Variants in PCDH15 observed in about 807,000 individuals in gnomAD.
The protein encoded by PCDH15 is protocadherin related 15.
In PCDH15, 129 loss-of-function variants were observed where a neutral mutation model predicts 178.5. The observed-to-expected ratio is 0.72, with a 90% CI of 0.63 to 0.84. The LOEUF is 0.84. PCDH15 is among the 40% of genes least tolerant of loss of function. The pLI, the probability that PCDH15 is intolerant of heterozygous loss-of-function variation, is 0.00. For missense variants in PCDH15, 2,230 were observed against 2,099.9 expected, an observed-to-expected ratio of 1.06 and a Z score of -1.21; for synonymous variants, 800 against 732.0, an observed-to-expected ratio of 1.09 and a Z score of -1.50.
At chr10:54,993,517 T>A (rs1839561727) in intron 2 of PCDH15, among the ~76,000 whole-genome samples, 1 of 152,158 alleles carries the variant, frequency 6.6e-6, no homozygotes. Context: ...TTTGTTTGGA[T>A]GACTTAGACT....
At chr10:55,228,089 A>C (rs998314043) in intron 1 of PCDH15, among the ~76,000 whole-genome samples, 1 of 152,196 alleles carries the variant, frequency 6.6e-6, no homozygotes, top group South Asian at 2.1e-4. Flanking sequence ...CACTGTATTT[A>C]TTTCAATTTT....
chr10:54,453,496 G>T (rs943082915), intron 3 of PCDH15, among the ~76,000 whole-genome samples: 2 of 151,860 alleles, frequency 1.3e-5, no homozygotes, highest in African/African-American at 2.4e-5. Flanking sequence ...ACACACCAGG[G>T]CCTGTTGTGG....
intron 8 of PCDH15, among the ~76,000 whole-genome samples, chr10:54,278,590 C>A (rs2058483323): frequency 6.6e-6 from 1 of 151,338 alleles, no homozygotes; most frequent in Non-Finnish European, 1.5e-5. Flanking sequence ...AAAATAGAAC[C>A]CAGTGACCCA....
intron 2 of PCDH15, among the ~76,000 whole-genome samples, chr10:55,381,586 G>C (rs969407829): frequency 4.6e-5 from 7 of 152,090 alleles, no homozygotes; most frequent in Non-Finnish European, 1.0e-4. Context: ...TCACCATCCT[G>C]TCTAAGCCCA....
chr10:55,267,770 G>A (rs981149005), intron 1 of PCDH15, among the ~76,000 whole-genome samples: 1 of 152,178 alleles, frequency 6.6e-6, no homozygotes, highest in Admixed American at 6.5e-5. Context: ...TAGGATTGCA[G>A]TATCTAAAAC....
intron 1 of PCDH15, among the ~76,000 whole-genome samples, chr10:55,202,757 G>A (rs868384004): frequency 2.0e-5 from 3 of 152,106 alleles, no homozygotes; most frequent in African/African-American, 4.8e-5. Flanking sequence ...CCCCCATGCC[G>A]TTTACATGAT....
intron 9 of PCDH15, among the ~76,000 whole-genome samples, chr10:54,231,708 C>G (rs113291991): frequency 6.6e-6 from 1 of 152,210 alleles, no homozygotes; most frequent in African/African-American, 2.4e-5. Flanking sequence ...GCCTTGGGAG[C>G]CCACCCCCTG....
chr10:55,437,374 A>G (rs751308291), intron 2 of PCDH15, among the ~76,000 whole-genome samples: 10 of 152,204 alleles, frequency 6.6e-5, no homozygotes, highest in Non-Finnish European at 1.3e-4. Context: ...CACCTAAGTG[A>G]AACATTTTAA....
chr10:53,832,057 A>AG lies in PCDH15; in HGVS notation c.3984-525_3984-524insC, dbSNP rs1386278996. ...CTCAAACTCTGTATTTGTTTGCCAT[A>AG]ACACCATCTTAAAAGTAAACATTCT... On this transcript the variant is annotated intron_variant, in intron 29 of 37. Transcript: ENST00000644397. Among the ~76,000 whole-genome samples the AG allele has an allele frequency of 1.1e-4, 16 of 151,310 alleles. 1 individual carries two copies. Among genetic ancestry groups the AG allele is most frequent in the African/African-American group, 3.9e-4 (16 of 40,632 alleles).
chr10:55,602,870 G>T (rs562124614), intron 2 of PCDH15, among the ~76,000 whole-genome samples: 2 of 152,134 alleles, frequency 1.3e-5, no homozygotes, highest in African/African-American at 4.8e-5. Flanking sequence ...CACCAGCAAC[G>T]GAACAAAGCT....
intron 2 of PCDH15, among the ~76,000 whole-genome samples, chr10:55,476,541 T>A (rs554932125): frequency 1.3e-5 from 2 of 152,012 alleles, no homozygotes; most frequent in Admixed American, 1.3e-4. Flanking sequence ...TTGCCATGCA[T>A]ATAAAATATA....
intron 2 of PCDH15, among the ~76,000 whole-genome samples, chr10:55,544,149 T>C (rs1327395680): frequency 8.3e-6 from 1 of 119,930 alleles, no homozygotes; most frequent in African/African-American, 3.2e-5. Flanking sequence ...CATATATATA[T>C]ATATATATAT....
intron 24 of PCDH15, among the ~76,000 whole-genome samples, chr10:53,940,038 T>C (rs1303437722): frequency 6.6e-6 from 1 of 152,170 alleles, no homozygotes; most frequent in Non-Finnish European, 1.5e-5. Flanking sequence ...CAATACCTAG[T>C]AATAGTTTGT....
At chr10:54,206,663 C>G (rs945197202) in intron 10 of PCDH15, among the ~76,000 whole-genome samples, 1 of 151,920 alleles carries the variant, frequency 6.6e-6, no homozygotes, top group African/African-American at 2.4e-5. Flanking sequence ...ATATCTAAAT[C>G]GTTTATTTTT....
chr10:54,431,789 C>T (rs1173288732), intron 3 of PCDH15, among the ~76,000 whole-genome samples: 1 of 151,934 alleles, frequency 6.6e-6, no homozygotes, highest in Non-Finnish European at 1.5e-5. Flanking sequence ...CAAAGAGCAC[C>T]CCAACTGGAA....
chr10:54,880,543 C>A (rs973240249), intron 3 of PCDH15, among the ~76,000 whole-genome samples: 4 of 151,122 alleles, frequency 2.6e-5, no homozygotes, highest in Non-Finnish European at 4.4e-5. Context: ...TGGTTCTAAC[C>A]AAAGTAGTAA....
At chr10:54,395,331 G>A (rs1236216251) in intron 3 of PCDH15, among the ~76,000 whole-genome samples, 4 of 150,880 alleles carry the variant, frequency 2.7e-5, no homozygotes, top group Admixed American at 6.6e-5. Flanking sequence ...AGGTCCCTCC[G>A]TTTGGGGTCC....
chr10:54,644,527 A>G (rs568187305), intron 2 of PCDH15, among the ~76,000 whole-genome samples: 1 of 152,162 alleles, frequency 6.6e-6, no homozygotes, highest in Admixed American at 6.6e-5. Context: ...TGGTATTAAG[A>G]ACATGGTTGA....
chr10:54,644,448 G>T (rs1337234258), intron 2 of PCDH15, among the ~76,000 whole-genome samples: 1 of 151,688 alleles, frequency 6.6e-6, no homozygotes, highest in Non-Finnish European at 1.5e-5. Context: ...TCTTTAACTT[G>T]CAACATGTCA....
Sources: gnomAD v4.1 joint callset for allele counts (sites outside exome capture counted in the v4.1 genomes callset) on GRCh38, gnomAD v4.1.1 for gene constraint, MANE v1.5 for transcripts, NCBI Gene and HGNC (gene_info 2026-07-23, HGNC 2026-07-21) for gene names.